Variants in LRRC28 observed in about 807,000 individuals in gnomAD.
The protein encoded by LRRC28 is leucine rich repeat containing 28.
A neutral mutation model predicts 45.7 loss-of-function variants in LRRC28; 39 were observed. That is an observed-to-expected ratio of 0.85 (90% CI 0.66 to 1.12). LRRC28 has a LOEUF of 1.12. Ranked by LOEUF, LRRC28 falls within the 50% of genes most tolerant of loss-of-function variation. The pLI is 0.00. For synonymous variants in LRRC28, 206 were observed against 178.8 expected, an observed-to-expected ratio of 1.15 and a Z score of -1.22; for missense variants, 435 against 438.5, an observed-to-expected ratio of 0.99 and a Z score of 0.07.
chr15:99,293,631 A>AAAAAAAAAAAAAC, intron 5 of LRRC28, among the ~76,000 whole-genome samples: 1 of 143,476 alleles, frequency 7.0e-6, no homozygotes, highest in Non-Finnish European at 1.5e-5. Flanking sequence ...AAAAAAAAAA[A>AAAAAAAAAAAAAC]AACCTAAACA....
At chr15:99,349,171 T>C (rs78664069) in intron 6 of LRRC28, among the ~76,000 whole-genome samples, 1 of 152,204 alleles carries the variant, frequency 6.6e-6, no homozygotes, top group South Asian at 2.1e-4. Context: ...TAGTTTTTTT[T>C]GTGAAATCTT....
intron 7 of LRRC28, among the ~76,000 whole-genome samples, chr15:99,359,654 C>G (rs1251277541): frequency 6.6e-6 from 1 of 152,070 alleles, no homozygotes; most frequent in Non-Finnish European, 1.5e-5. Context: ...AACATCTGTG[C>G]ATTGGAATGT....
chr15:99,317,000 CT>C (rs35415959), intron 5 of LRRC28, among the ~76,000 whole-genome samples: 29,330 of 138,268 alleles, frequency 0.21, 3,120 homozygotes, highest in East Asian at 0.44. Flanking sequence ...CCTACTGGGC[CT>C]TTTTTTTTTT....
At chr15:99,256,183 T>C (rs2081015704) in intron 2 of LRRC28, 58 bp downstream of exon 2, 51 of 1,391,578 alleles carry the variant, frequency 3.7e-5, no homozygotes, top group Non-Finnish European at 4.9e-5. Context: ...CTGATCAAGA[T>C]ACATTTACAT....
At chr15:99,347,288 C>T (rs555360768) in intron 6 of LRRC28, among the ~76,000 whole-genome samples, 2 of 152,110 alleles carry the variant, frequency 1.3e-5, no homozygotes, top group Admixed American at 6.5e-5. Context: ...CGGCTCACTG[C>T]AAGCTCCGCC....
chr15:99,274,450 T>G (rs1032152711), intron 2 of LRRC28, among the ~76,000 whole-genome samples: 1 of 152,226 alleles, frequency 6.6e-6, no homozygotes, highest in Non-Finnish European at 1.5e-5. Context: ...ATCTCACATC[T>G]TCATACCTAA....
At position 99,361,386 on chromosome 15, in the gene LRRC28, C is replaced by G. The variant is rs779265896; in HGVS notation, c.746C>G (p.Ser249Ter). Reference sequence around the variant, plus strand: ...GAGGTGAAGCTGCTTTCCTTTTCATCAGGGCAGCGAACCGTTTTCCTCCCA... The same window carrying G: ...GAGGTGAAGCTGCTTTCCTTTTCATGAGGGCAGCGAACCGTTTTCCTCCCA... ...VSEVKLLSFS[S>*]GQRTVFLPAE... The change falls in exon 8 of 10, where the codon TCA becomes TGA. Residue 249 changes from serine (S) to a stop codon, truncating the protein, a stop_gained. Coordinates refer to ENST00000301981, the MANE Select transcript of LRRC28 (RefSeq NM_144598.5). LOFTEE classifies it high-confidence loss of function. The G allele has an allele frequency of 6.2e-7, 1 of 1,613,822 alleles. No homozygotes were observed. The highest frequency in any genetic ancestry group is 1.1e-5 in the South Asian group (1 of 91,032).
At chr15:99,346,659 T>G (rs1223516966) in intron 6 of LRRC28, among the ~76,000 whole-genome samples, 3 of 152,196 alleles carry the variant, frequency 2.0e-5, no homozygotes, top group Non-Finnish European at 4.4e-5. Context: ...GTAGATGTAT[T>G]AAAACTTGAC....
intron 3 of LRRC28, among the ~76,000 whole-genome samples, chr15:99,282,845 C>T (rs1261455396): frequency 1.3e-5 from 2 of 152,212 alleles, no homozygotes; most frequent in Non-Finnish European, 2.9e-5. Context: ...CCATTTACTC[C>T]ATTGTTGTTA....
intron 2 of LRRC28, chr15:99,259,388 G>C (rs2081124205): frequency 5.1e-6 from 8 of 1,556,442 alleles, no homozygotes; most frequent in Non-Finnish European, 7.1e-6. Flanking sequence ...CCAGAATGTT[G>C]CCAAGGAAGG....
chr15:99,349,304 G>A (rs114473434), intron 6 of LRRC28, among the ~76,000 whole-genome samples: 2,104 of 151,768 alleles, frequency 0.014, 47 homozygotes, highest in African/African-American at 0.048. Context: ...TCTTTTTTTG[G>A]TGTACTGGAG....
chr15:99,265,371 G>A (rs1236918129), intron 2 of LRRC28, among the ~76,000 whole-genome samples: 2 of 152,162 alleles, frequency 1.3e-5, no homozygotes, highest in Non-Finnish European at 2.9e-5. Flanking sequence ...TGAATACGGA[G>A]AATGGAGGTG....
chr15:99,373,118 G>A (rs538232903), intron 9 of LRRC28, among the ~76,000 whole-genome samples: 12 of 152,280 alleles, frequency 7.9e-5, no homozygotes, highest in African/African-American at 2.6e-4. Flanking sequence ...TGGGGACGCA[G>A]CTAAACCATA....
chr15:99,367,196 A>G (rs1957363456), intron 9 of LRRC28, among the ~76,000 whole-genome samples: 1 of 152,226 alleles, frequency 6.6e-6, no homozygotes, highest in Non-Finnish European at 1.5e-5. Flanking sequence ...AGGGTTCCCA[A>G]TACCTCCTTC....
At chr15:99,258,384 C>T in intron 2 of LRRC28, 1 of 1,076,966 alleles carries the variant, frequency 9.3e-7, no homozygotes, top group Non-Finnish European at 1.4e-6. Flanking sequence ...AAAGAAAAAG[C>T]ATTTGATTAC....
intron 9 of LRRC28, among the ~76,000 whole-genome samples, chr15:99,371,221 C>CA (rs1957475819): frequency 6.6e-6 from 1 of 152,208 alleles, no homozygotes; most frequent in Non-Finnish European, 1.5e-5. Flanking sequence ...AGTTGGTTAG[C>CA]AAACACACTT....
intron 5 of LRRC28, among the ~76,000 whole-genome samples, chr15:99,324,596 CTG>C (rs1955908994): frequency 6.6e-6 from 1 of 152,128 alleles, no homozygotes; most frequent in South Asian, 2.1e-4. Context: ...AGGGGACTTA[CTG>C]TGTTTTTCTT....
rs1958097383 is a variant in LRRC28 at position 99,388,558 on chromosome 15, T to G, written c.*2456T>G. The G allele has an allele frequency of 6.6e-6, 1 of 152,202 alleles. No individual in the cohort carries two copies. The highest frequency in any genetic ancestry group is 6.5e-5 in the Admixed American group (1 of 15,286). The allele number at this position is 152,202 out of a possible 1,614,324, so 9.4% of individuals were successfully genotyped here. ...CCTGGTGCTGTTCATTATGGAAATT[T>G]TATGCTGGATTTATCGATGTCATTC... On this transcript the variant is annotated 3_prime_UTR_variant, in exon 10 of 10. Transcript: ENST00000301981.
intron 6 of LRRC28, among the ~76,000 whole-genome samples, chr15:99,351,720 A>T (rs1166167702): frequency 1.3e-5 from 2 of 152,188 alleles, no homozygotes; most frequent in Non-Finnish European, 2.9e-5. Context: ...ATAAGGTGTT[A>T]AAGAAAAAGT....
Sources: allele counts gnomAD v4.1 joint callset (sites outside exome capture counted in the v4.1 genomes callset), GRCh38; gene constraint gnomAD v4.1.1; transcripts MANE v1.5; gene names NCBI Gene and HGNC (gene_info 2026-07-23, HGNC 2026-07-21).